The following UMAD1 variants were observed in gnomAD, a reference collection of about 807,000 sequenced individuals.
The protein encoded by UMAD1 is UBAP1-MVB12-associated (UMA)-domain containing protein 1.
UMAD1 carries 8 observed loss-of-function variants against 6.1 expected under a neutral mutation model. The ratio of observed to expected loss-of-function variants is 1.30; its 90% CI spans 0.76 to 2.35. The LOEUF (loss-of-function observed/expected upper bound fraction) is 2.35, where lower values mean the gene tolerates loss of function less well. Among genes scored for constraint, UMAD1 ranks in the 30% most tolerant of loss-of-function variants. The pLI is 0.00. For missense variants in UMAD1, 130 were observed against 78.4 expected, an observed-to-expected ratio of 1.66 and a Z score of -2.49; for synonymous variants, 56 against 31.4, an observed-to-expected ratio of 1.78 and a Z score of -2.61.
At chr7:7,831,098 G>C (rs1256556859) in intron 3 of UMAD1, among the ~76,000 whole-genome samples, 1 of 152,096 alleles carries the variant, frequency 6.6e-6, no homozygotes, top group East Asian at 1.9e-4. Flanking sequence ...TATGAAGTTA[G>C]ATATTCTTGG....
At chr7:7,774,202 G>A (rs114899859) in intron 2 of UMAD1, among the ~76,000 whole-genome samples, 3 of 152,158 alleles carry the variant, frequency 2.0e-5, no homozygotes, top group Non-Finnish European at 4.4e-5. Context: ...TGTAGAACAT[G>A]AGCAATGTTG....
intron 2 of UMAD1, among the ~76,000 whole-genome samples, chr7:7,800,682 C>T (rs970491723): frequency 6.6e-6 from 1 of 152,178 alleles, no homozygotes; most frequent in Non-Finnish European, 1.5e-5. Context: ...TGAGACTTTT[C>T]CTTGATTATA....
At chr7:7,744,150 C>A (rs1165862240) in intron 2 of UMAD1, among the ~76,000 whole-genome samples, 2 of 152,062 alleles carry the variant, frequency 1.3e-5, no homozygotes, top group African/African-American at 4.8e-5. Flanking sequence ...TTTGCCTGTT[C>A]TGGGTGTTTC....
intron 3 of UMAD1, among the ~76,000 whole-genome samples, chr7:7,833,329 AAG>A (rs1032137370): frequency 6.6e-6 from 1 of 152,232 alleles, no homozygotes; most frequent in East Asian, 1.9e-4. Context: ...GGGAGTGAAA[AAG>A]AGAGTTACTA....
intron 3 of UMAD1, among the ~76,000 whole-genome samples, chr7:7,861,053 T>TTG (rs1245083523): frequency 1.3e-5 from 2 of 152,002 alleles, no homozygotes. Context: ...AATAGGCAAA[T>TTG]ATATAGAGAC....
chr7:7,830,072 T>C lies in UMAD1; in HGVS notation c.156+28329T>C, dbSNP rs1020975303. Among the ~76,000 whole-genome samples the C allele has an allele frequency of 6.6e-6, 1 of 152,156 alleles. No homozygotes were observed. Among genetic ancestry groups the C allele is most frequent in the Non-Finnish European group, 1.5e-5 (1 of 68,022 alleles). The stretch of plus-strand genomic sequence containing the variant: ...TACACAGCACTAGAGTTTTCTACTT[T>C]AAAAAAGAAAAGTTATATTATTTTC... On this transcript the variant is annotated intron_variant, in intron 3 of 3. Coordinates refer to ENST00000682710, the MANE Select transcript of UMAD1 (RefSeq NM_001302348.2). This position sits in a 1 kb window ranked among gnomAD's most constrained non-coding sequence, Gnocchi z 5.3.
chr7:7,858,745 T>C (rs1784064381), intron 3 of UMAD1, among the ~76,000 whole-genome samples: 3 of 152,204 alleles, frequency 2.0e-5, no homozygotes, highest in Admixed American at 2.0e-4. Context: ...TTCTTCCCTA[T>C]AACATCCGGT....
intron 3 of UMAD1, among the ~76,000 whole-genome samples, chr7:7,869,260 G>A (rs1406413244): frequency 7.9e-6 from 1 of 125,928 alleles, no homozygotes; most frequent in Non-Finnish European, 1.7e-5. Context: ...GATACCAGCT[G>A]AAGCCAGAAT....
intron 2 of UMAD1, among the ~76,000 whole-genome samples, chr7:7,730,328 G>A (rs935495053): frequency 6.6e-6 from 1 of 152,130 alleles, no homozygotes; most frequent in African/African-American, 2.4e-5. Flanking sequence ...TGGCAGGGAC[G>A]TTTTAGACAC....
chr7:7,828,468 C>A (rs1004724661), intron 3 of UMAD1, among the ~76,000 whole-genome samples: 1 of 152,168 alleles, frequency 6.6e-6, no homozygotes, highest in East Asian at 1.9e-4. Flanking sequence ...GTCACTGAAT[C>A]AAAATTGGGG....
chr7:7,784,756 CTTTTTTTTTT>C (rs71014716), intron 2 of UMAD1, among the ~76,000 whole-genome samples: 1 of 78,524 alleles, frequency 1.3e-5, no homozygotes, highest in Non-Finnish European at 2.3e-5. Context: ...GCCCTTCCTT[CTTTTTTTTTT>C]TTTTTTTTTT....
chr7:7,676,544 T>G (rs906124017), intron 2 of UMAD1, among the ~76,000 whole-genome samples: 1 of 152,190 alleles, frequency 6.6e-6, no homozygotes, highest in Non-Finnish European at 1.5e-5. Flanking sequence ...AACCTCTTTG[T>G]TTTTTAAAAA....
chr7:7,800,428 T>C (rs1158384740), intron 2 of UMAD1, among the ~76,000 whole-genome samples: 1 of 152,242 alleles, frequency 6.6e-6, no homozygotes, highest in East Asian at 1.9e-4. Context: ...AAATATTTTT[T>C]ATTACTTTAA....
chr7:7,683,620 C>A (rs1779964898), intron 2 of UMAD1, among the ~76,000 whole-genome samples: 1 of 151,480 alleles, frequency 6.6e-6, no homozygotes, highest in South Asian at 2.1e-4. Flanking sequence ...AATTTGTTTT[C>A]TTTTCCTTTT....
intron 2 of UMAD1, among the ~76,000 whole-genome samples, chr7:7,687,577 A>T (rs940267467): frequency 6.6e-6 from 1 of 152,216 alleles, no homozygotes; most frequent in African/African-American, 2.4e-5. Context: ...CAGAAAGTCT[A>T]TTCACACCCA....
intron 1 of UMAD1, among the ~76,000 whole-genome samples, chr7:7,672,022 T>C (rs78730866): frequency 6.6e-6 from 1 of 152,194 alleles, no homozygotes; most frequent in African/African-American, 2.4e-5. Flanking sequence ...GTTCATATCC[T>C]TCTCTGATCT....
At position 7,681,963 on chromosome 7, in the gene UMAD1, A is replaced by G. The variant is rs527848589; in HGVS notation, c.82+8510A>G. On this transcript the variant is annotated intron_variant, in intron 2 of 3. Coordinates refer to ENST00000682710, the MANE Select transcript of UMAD1 (RefSeq NM_001302348.2). ...CAAAAAGAAGGAAAAATAACAACAA[A>G]AAGTAATAGGATATAAATGAAAAGG... Among the ~76,000 whole-genome samples, 8 of 152,336 alleles carry G rather than the reference A, an allele frequency of 5.3e-5. 1 individual carries two copies. Among genetic ancestry groups the G allele is most frequent in the African/African-American group, 1.9e-4 (8 of 41,586 alleles).
intron 3 of UMAD1, among the ~76,000 whole-genome samples, chr7:7,866,143 C>A (rs1784220928): frequency 1.3e-5 from 2 of 152,218 alleles, no homozygotes; most frequent in Admixed American, 1.3e-4. Flanking sequence ...TGAGGGCCAA[C>A]ATCCTAATTC....
intron 2 of UMAD1, among the ~76,000 whole-genome samples, chr7:7,730,509 G>A (rs11978169): frequency 0.27 from 41,362 of 151,892 alleles, 5,662 homozygotes; most frequent in Middle Eastern, 0.35. Context: ...ACTTACCTCT[G>A]ATTGCATTCA....
Sources: allele counts gnomAD v4.1 joint callset (sites outside exome capture counted in the v4.1 genomes callset), GRCh38; gene constraint gnomAD v4.1.1; non-coding constraint Gnocchi (gnomAD v3.1); transcripts MANE v1.5; gene names NCBI Gene and HGNC (gene_info 2026-07-23, HGNC 2026-07-21).